Variants in SH3PXD2A observed in about 807,000 individuals in gnomAD.
SH3PXD2A encodes the protein SH3 and PX domains 2A.
In SH3PXD2A, 32 loss-of-function variants were observed where a neutral mutation model predicts 115.2. The observed-to-expected ratio is 0.28, with a 90% CI of 0.21 to 0.37. The LOEUF (loss-of-function observed/expected upper bound fraction) is 0.37, where lower values mean the gene tolerates loss of function less well. Among genes scored for constraint, SH3PXD2A ranks in the 10% least tolerant of loss-of-function variants. The probability of loss-of-function intolerance (pLI) is 1.00; values close to 1 mark genes in which losing one functional copy is unlikely to be tolerated. For missense variants in SH3PXD2A, 1,328 were observed against 1,498.7 expected, an observed-to-expected ratio of 0.89 and a Z score of 1.88; for synonymous variants, 610 against 629.1, an observed-to-expected ratio of 0.97 and a Z score of 0.45.
chr10:103,804,025 AG>A (rs2039173010), intron 1 of SH3PXD2A, among the ~76,000 whole-genome samples: 1 of 152,186 alleles, frequency 6.6e-6, no homozygotes, highest in African/African-American at 2.4e-5. Context: ...ACCATTAGAA[AG>A]GAGTGTCTGG....
intron 5 of SH3PXD2A, among the ~76,000 whole-genome samples, chr10:103,707,133 C>T (rs552906644): frequency 3.0e-4 from 45 of 152,226 alleles, no homozygotes; most frequent in African/African-American, 9.9e-4. Context: ...AAAACAGAGT[C>T]TTGTACCTAG....
At position 103,784,550 on chromosome 10, in the gene SH3PXD2A, G is replaced by A. The variant is rs2038962873; in HGVS notation, c.153+16732C>T. Among the ~76,000 whole-genome samples, 3 of 152,212 alleles carry A rather than the reference G, an allele frequency of 2.0e-5. No homozygotes were observed. Among genetic ancestry groups the A allele is most frequent in the Non-Finnish European group, 1.5e-5 (1 of 68,040 alleles). ...GGGCAGTCGGTCCTCTCATGCCTGT[G>A]ATATCATTTTCTATAGGATTGAAAA... On this transcript the variant is annotated intron_variant, in intron 2 of 14. Transcript: ENST00000369774. This position sits in a 1 kb window ranked among gnomAD's most constrained non-coding sequence, Gnocchi z 4.4.
chr10:103,826,782 T>C (rs889823356), intron 1 of SH3PXD2A, among the ~76,000 whole-genome samples: 4 of 152,226 alleles, frequency 2.6e-5, no homozygotes, highest in Non-Finnish European at 4.4e-5. Context: ...GCACCTGATA[T>C]GGTGTGTGGC....
chr10:103,821,570 T>A (rs2039380106), intron 1 of SH3PXD2A, among the ~76,000 whole-genome samples: 1 of 152,076 alleles, frequency 6.6e-6, no homozygotes, highest in South Asian at 2.1e-4. Flanking sequence ...TATTATTATT[T>A]GAGGCAGGGT....
chr10:103,838,973 C>T (rs1472329324), intron 1 of SH3PXD2A, among the ~76,000 whole-genome samples: 1 of 152,116 alleles, frequency 6.6e-6, no homozygotes, highest in African/African-American at 2.4e-5. Context: ...GCTGCCAGCC[C>T]ACAGGGAGGG....
At chr10:103,783,105 G>A (rs1009017935) in intron 2 of SH3PXD2A, among the ~76,000 whole-genome samples, 2 of 152,176 alleles carry the variant, frequency 1.3e-5, no homozygotes, top group African/African-American at 2.4e-5. Context: ...TGAAGCGAGC[G>A]AGCTGGGGTG....
intron 2 of SH3PXD2A, among the ~76,000 whole-genome samples, chr10:103,791,199 G>C (rs1434116874): frequency 6.6e-6 from 1 of 152,172 alleles, no homozygotes; most frequent in Non-Finnish European, 1.5e-5. Context: ...ATCCCACATT[G>C]ACCCCATGGA....
intron 3 of SH3PXD2A, among the ~76,000 whole-genome samples, chr10:103,762,829 C>T (rs1298456275): frequency 6.6e-6 from 1 of 152,116 alleles, no homozygotes; most frequent in African/African-American, 2.4e-5. Context: ...CCAATGTCAG[C>T]CCCTGGGTCA....
intron 1 of SH3PXD2A, among the ~76,000 whole-genome samples, chr10:103,825,880 C>T (rs1404342912): frequency 6.6e-6 from 1 of 151,816 alleles, no homozygotes; most frequent in Non-Finnish European, 1.5e-5. Context: ...TCTCCTGCCT[C>T]AGCCTCCTGA....
At position 103,599,481 on chromosome 10, in the gene SH3PXD2A, A is replaced by AAGAT. The variant is rs1229151180; in HGVS notation, c.*2331_*2334dup. ...CGAGGCTGCAGGGCCCTCCCCCTGGAAGATAGCTACATTGAAGGTTCTTTA... is the reference window on the plus strand; with the variant it reads ...CGAGGCTGCAGGGCCCTCCCCCTGGAAGATAGATAGCTACATTGAAGGTTCTTTA... On this transcript the variant is annotated 3_prime_UTR_variant, in exon 15 of 15. Transcript: ENST00000369774. 2 of 152,656 alleles carry AAGAT rather than the reference A, an allele frequency of 1.3e-5. No homozygotes were observed. Among genetic ancestry groups the AAGAT allele is most frequent in the Non-Finnish European group, 2.9e-5 (2 of 68,030 alleles). 9.5% of individuals were successfully genotyped at this position (152,656 alleles called of 1,614,324 possible). A position where few individuals can be genotyped will look rare whatever the true frequency, so the allele number is the denominator to read the frequency against.
chr10:103,636,797 C>T (rs966136515), intron 8 of SH3PXD2A, among the ~76,000 whole-genome samples: 4 of 152,162 alleles, frequency 2.6e-5, no homozygotes, highest in Non-Finnish European at 2.9e-5. Flanking sequence ...GAAATCCTCT[C>T]GTCCTCCCGC....
intron 8 of SH3PXD2A, among the ~76,000 whole-genome samples, chr10:103,651,314 G>A (rs1196653006): frequency 1.3e-5 from 2 of 152,236 alleles, no homozygotes; most frequent in African/African-American, 4.8e-5. Context: ...AGGTGGGAAT[G>A]CTCGTGCAAC....
intron 5 of SH3PXD2A, among the ~76,000 whole-genome samples, chr10:103,707,226 T>C (rs1049109842): frequency 6.6e-6 from 1 of 151,752 alleles, no homozygotes; most frequent in Non-Finnish European, 1.5e-5. Context: ...AGATGGAGTC[T>C]AGCTCTGTTG....
chr10:103,606,912 G>A (rs2036318352), intron 13 of SH3PXD2A, among the ~76,000 whole-genome samples: 1 of 152,104 alleles, frequency 6.6e-6, no homozygotes, highest in Non-Finnish European at 1.5e-5. Flanking sequence ...CTGCCCGGCC[G>A]CCACCCCGTC....
At chr10:103,667,615 C>G (rs1242557357) in intron 7 of SH3PXD2A, among the ~76,000 whole-genome samples, 1 of 152,206 alleles carries the variant, frequency 6.6e-6, no homozygotes. Flanking sequence ...ACCTCCCATT[C>G]CCCGCCCACA....
intron 2 of SH3PXD2A, among the ~76,000 whole-genome samples, chr10:103,771,581 A>T (rs1190069943): frequency 1.3e-5 from 2 of 151,898 alleles, no homozygotes; most frequent in South Asian, 2.1e-4. Flanking sequence ...CATCTCTACT[A>T]AAAAAAAGTA....
intron 1 of SH3PXD2A, among the ~76,000 whole-genome samples, chr10:103,825,921 G>A (rs373969837): frequency 5.9e-5 from 9 of 152,050 alleles, no homozygotes; most frequent in East Asian, 3.9e-4. Context: ...CCGCCACCAC[G>A]CCCGGCTAAT....
chr10:103,775,213 C>T (rs1227257093), intron 2 of SH3PXD2A, among the ~76,000 whole-genome samples: 3 of 152,194 alleles, frequency 2.0e-5, no homozygotes, highest in Non-Finnish European at 4.4e-5. Context: ...CTTAACAAGT[C>T]AAAGAAGTCT....
At chr10:103,610,017 T>C (rs978798049) in intron 13 of SH3PXD2A, 1 of 152,256 alleles carries the variant, frequency 6.6e-6, no homozygotes, top group African/African-American at 2.4e-5. Context: ...GCGAGGGGCA[T>C]AGGGAGAGCT....
Sources: gnomAD v4.1 joint callset for allele counts (sites outside exome capture counted in the v4.1 genomes callset) on GRCh38, gnomAD v4.1.1 for gene constraint, Gnocchi (gnomAD v3.1) non-coding constraint, MANE v1.5 for transcripts, NCBI Gene and HGNC (gene_info 2026-07-23, HGNC 2026-07-21) for gene names.